The following DNAAF6 variants were observed in gnomAD, a reference collection of about 807,000 sequenced individuals.
DNAAF6 encodes PIH1 domain containing 3.
A neutral mutation model predicts 13.7 loss-of-function variants in DNAAF6; 3 were observed. That is an observed-to-expected ratio of 0.22 (90% confidence interval 0.10 to 0.56). DNAAF6 has a LOEUF of 0.56. Among genes scored for constraint, DNAAF6 ranks in the 20% least tolerant of loss-of-function variants. The pLI is 0.92. For missense variants in DNAAF6, 130 were observed against 151.0 expected, an observed-to-expected ratio of 0.86 and a Z score of 0.73; for synonymous variants, 54 against 49.2, an observed-to-expected ratio of 1.10 and a Z score of -0.41.
At chrX:107,211,341 T>C (rs1927852356) in intron 1 of DNAAF6, among the ~76,000 whole-genome samples, 1 of 112,391 alleles carries the variant, frequency 8.9e-6, no homozygotes, top group African/African-American at 3.2e-5. Flanking sequence ...TTATTTATTT[T>C]TGTTGTCATG....
intron 4 of DNAAF6, among the ~76,000 whole-genome samples, chrX:107,220,224 A>G (rs1376302499): frequency 8.9e-6 from 1 of 112,603 alleles, no homozygotes. Flanking sequence ...TCCAGCTTTC[A>G]AATAAACAAT....
intron 5 of DNAAF6, among the ~76,000 whole-genome samples, chrX:107,235,113 T>G (rs1343426897): frequency 8.9e-6 from 1 of 112,160 alleles, no homozygotes; most frequent in African/African-American, 3.2e-5. Flanking sequence ...CCTTTACCTC[T>G]CTTGAGGGAA....
chrX:107,231,711 G>GA (rs1018873263), intron 5 of DNAAF6, among the ~76,000 whole-genome samples: 9 of 107,855 alleles, frequency 8.3e-5, no homozygotes, highest in African/African-American at 1.0e-4. Context: ...GTAGGAAAAT[G>GA]AAAAAAAAAT....
intron 6 of DNAAF6, 92 bp from the exon 7 acceptor site, chrX:107,243,077 C>A: frequency 8.4e-6 from 8 of 953,644 alleles, no homozygotes; most frequent in Non-Finnish European, 1.0e-5. Flanking sequence ...TGTTTTCTAA[C>A]ACTCTAGTGG....
chrX:107,217,848 G>T (rs1186851533), intron 3 of DNAAF6, among the ~76,000 whole-genome samples: 1 of 112,004 alleles, frequency 8.9e-6, no homozygotes, highest in African/African-American at 3.2e-5. Context: ...TACTCAAGAG[G>T]CTATTTGCCT....
At chrX:107,223,151 G>C (rs1025343977) in intron 5 of DNAAF6, among the ~76,000 whole-genome samples, 3 of 111,340 alleles carry the variant, frequency 2.7e-5, no homozygotes, top group African/African-American at 9.8e-5. Flanking sequence ...TTCCATCCTA[G>C]TTCCGTCCCA....
chrX:107,209,992 G>A (rs1000231442), intron 1 of DNAAF6, among the ~76,000 whole-genome samples: 5 of 111,427 alleles, frequency 4.5e-5, no homozygotes, highest in African/African-American at 1.6e-4. Context: ...TGTGGGTCTG[G>A]AGCCAATCTG....
intron 2 of DNAAF6, among the ~76,000 whole-genome samples, chrX:107,215,465 A>G (rs1410716134): frequency 8.9e-6 from 1 of 111,848 alleles, no homozygotes; most frequent in East Asian, 2.8e-4. Flanking sequence ...AGGGAAAAAA[A>G]TGTCCCAAAT....
chrX:107,231,530 T>G (rs1928396782), intron 5 of DNAAF6, among the ~76,000 whole-genome samples: 1 of 111,753 alleles, frequency 8.9e-6, no homozygotes, highest in Non-Finnish European at 1.9e-5. Context: ...TTTTTACCAT[T>G]TGTGAAGATC....
At chrX:107,232,506 T>C (rs1426863970) in intron 5 of DNAAF6, among the ~76,000 whole-genome samples, 1 of 112,237 alleles carries the variant, frequency 8.9e-6, no homozygotes, top group Non-Finnish European at 1.9e-5. Flanking sequence ...TTCACAGAGC[T>C]TACCTTATTG....
chrX:107,233,576 A>G (rs1928458424), intron 5 of DNAAF6, among the ~76,000 whole-genome samples: 2 of 111,069 alleles, frequency 1.8e-5, no homozygotes, highest in Admixed American at 1.9e-4. Context: ...AAGAGAGATC[A>G]TGCCGTATTT....
rs926858135 is a variant in DNAAF6 at position 107,230,727 on chromosome X, T to TTCC, written c.429+7888_429+7890dup. Among the ~76,000 whole-genome samples the TTCC allele has an allele frequency of 3.2e-4, 36 of 111,809 alleles. 1 individual carries two copies. Among genetic ancestry groups the TTCC allele is most frequent in the Admixed American group, 3.8e-4 (4 of 10,545 alleles). Reference sequence around the variant, plus strand: ...CTCTTCGCTTACAGCCCTCAATGGCTTCCTGTTGCACTTACAGAACAAAAT... The same window carrying TTCC: ...CTCTTCGCTTACAGCCCTCAATGGCTTCCTCCTGTTGCACTTACAGAACAAAAT... On this transcript the variant is annotated intron_variant, in intron 5 of 6. Coordinates refer to ENST00000372453, the MANE Select transcript of DNAAF6 (RefSeq NM_173494.2).
In DNAAF6 at chrX:107,238,956, A is replaced by C. The variant is rs773378876; in HGVS notation, c.464A>C (p.Asp155Ala). The change falls in exon 6 of 7, where the codon GAT becomes GCT. Residue 155 changes from aspartate (D) to alanine (A), a missense_variant. Asp to Ala is a moderately radical substitution (Grantham distance 126). Coordinates refer to ENST00000372453, the MANE Select transcript of DNAAF6 (RefSeq NM_173494.2). The part of the protein sequence containing the change: ...KIKLPNTNPS[D>A]IQIDIQETIL... ...AAATTGCCAAATACAAACCCTTCTG[A>C]TATTCAAATTGATATCCAGGAAACA... 8.3e-7 allele frequency: 1 copy of C among 1,210,379 alleles called. No homozygotes were observed. Among genetic ancestry groups the C allele is most frequent in the Non-Finnish European group, 1.1e-6 (1 of 895,009 alleles).
At chrX:107,232,014 C>A (rs753365789) in intron 5 of DNAAF6, among the ~76,000 whole-genome samples, 2 of 110,909 alleles carry the variant, frequency 1.8e-5, no homozygotes, top group Non-Finnish European at 3.8e-5. Context: ...CATGCCACCA[C>A]ACCTGGCTAA....
intron 5 of DNAAF6, among the ~76,000 whole-genome samples, chrX:107,226,873 A>G (rs1034749297): frequency 2.7e-5 from 3 of 111,391 alleles, no homozygotes; most frequent in Non-Finnish European, 5.7e-5. Flanking sequence ...CCATCTTTAA[A>G]TCTCACTGAG....
intron 1 of DNAAF6, among the ~76,000 whole-genome samples, chrX:107,212,428 G>C (rs919366397): frequency 9.0e-6 from 1 of 111,168 alleles, no homozygotes; most frequent in African/African-American, 3.3e-5. Context: ...ACTTTAAATA[G>C]GTCTCCCTGT....
At chrX:107,222,440 G>A (rs1257272979) in intron 4 of DNAAF6, among the ~76,000 whole-genome samples, 3 of 110,477 alleles carry the variant, frequency 2.7e-5, no homozygotes, top group Non-Finnish European at 3.8e-5. Flanking sequence ...TTTTTCTTCT[G>A]CTTTTAATCT....
chrX:107,216,629 A>G, intron 2 of DNAAF6, 42 bp from the exon 3 acceptor site: 1 of 970,101 alleles, frequency 1.0e-6, no homozygotes, highest in Non-Finnish European at 1.4e-6. Flanking sequence ...TAGGTTATAC[A>G]AGTATTAATT....
intron 4 of DNAAF6, among the ~76,000 whole-genome samples, chrX:107,221,422 C>T (rs1384826950): frequency 1.8e-5 from 2 of 110,719 alleles, no homozygotes; most frequent in Non-Finnish European, 3.8e-5. Flanking sequence ...TTTGTGAAGA[C>T]TGCGTCTAAC....
Sources: allele counts gnomAD v4.1 joint callset (sites outside exome capture counted in the v4.1 genomes callset), GRCh38; gene constraint gnomAD v4.1.1; transcripts MANE v1.5; gene names NCBI Gene and HGNC (gene_info 2026-07-23, HGNC 2026-07-21).